EEA1: variants seen among roughly 807,000 people sequenced by gnomAD.
EEA1 encodes the protein early endosome antigen 1.
In EEA1, 111 loss-of-function variants were observed where a neutral mutation model predicts 209.2. The observed-to-expected ratio is 0.53, with a 90% CI of 0.45 to 0.62. The LOEUF is 0.62. Among genes scored for constraint, EEA1 ranks in the 20% least tolerant of loss-of-function variants. EEA1 has a pLI of 0.00. For missense variants in EEA1, 1,343 were observed against 1,530.8 expected, an observed-to-expected ratio of 0.88 and a Z score of 2.05; for synonymous variants, 536 against 540.6, an observed-to-expected ratio of 0.99 and a Z score of 0.12.
intron 1 of EEA1, among the ~76,000 whole-genome samples, chr12:92,917,333 T>G (rs12317543): frequency 0.58 from 65,925 of 112,736 alleles, 20,959 homozygotes; most frequent in African/African-American, 0.74. Context: ...AATGTTAAGG[T>G]CAGCCAGAGA....
chr12:92,802,780 A>G, intron 18 of EEA1, 46 bp from the exon 19 acceptor site: 1 of 1,380,494 alleles, frequency 7.2e-7, no homozygotes, highest in Non-Finnish European at 9.7e-7. Context: ...ATAATTTACC[A>G]CTTCTAATTT....
chr12:92,910,193 C>A (rs1020922716), intron 1 of EEA1, among the ~76,000 whole-genome samples: 5 of 149,376 alleles, frequency 3.3e-5, no homozygotes, highest in African/African-American at 1.2e-4. Context: ...AACTCAAGGT[C>A]AGGCGCGGTG....
intron 2 of EEA1, among the ~76,000 whole-genome samples, chr12:92,871,926 G>C (rs1199850594): frequency 6.6e-6 from 1 of 152,128 alleles, no homozygotes; most frequent in Non-Finnish European, 1.5e-5. Context: ...TGTTGCCCAA[G>C]CTGTAGTGCA....
rs942329628 is a variant in EEA1 at position 92,775,386 on chromosome 12, T to C, written c.*625A>G. ...CCACCCAAGAAAATTTAATTAATAT[T>C]GTTAAAACAAAAACCATTTTTGAAT... On this transcript the variant is annotated 3_prime_UTR_variant, in exon 29 of 29. Transcript: ENST00000322349. 6.6e-6 allele frequency: 1 copy of C among 151,808 alleles called. No individual in the cohort carries two copies. The highest frequency in any genetic ancestry group is 2.4e-5 in the African/African-American group (1 of 41,426). The allele number at this position is 151,808 out of a possible 1,614,324, so 9.4% of individuals were successfully genotyped here. A position where few individuals can be genotyped will look rare whatever the true frequency, so the allele number is the denominator to read the frequency against.
rs1873525733 is a variant in EEA1, at chr12:92,773,696, G to A, written c.*2315C>T. The A allele has an allele frequency of 6.6e-6, 1 of 151,532 alleles. No homozygotes were observed. 9.4% of individuals were successfully genotyped at this position (151,532 alleles called of 1,614,324 possible). A position where few individuals can be genotyped will look rare whatever the true frequency, so the allele number is the denominator to read the frequency against. On this transcript the variant is annotated 3_prime_UTR_variant, in exon 29 of 29. Coordinates refer to ENST00000322349, the MANE Select transcript of EEA1 (RefSeq NM_003566.4). ...AATAGTACCAGCAAACATGTAAAAT[G>A]TACAGCCAATAAGGACTTCAAAGAT...
intron 1 of EEA1, among the ~76,000 whole-genome samples, chr12:92,905,809 A>G (rs111844288): frequency 0.019 from 2,833 of 152,314 alleles, 96 homozygotes; most frequent in African/African-American, 0.063. Context: ...AAAAAGAAAT[A>G]TCACTGTCAC....
At chr12:92,802,381 G>T in intron 19 of EEA1, 23 bp downstream of exon 19, 1 of 1,531,614 alleles carries the variant, frequency 6.5e-7, no homozygotes, top group Non-Finnish European at 8.7e-7. Context: ...TTCTACCTAA[G>T]AAAGTAAATG....
At chr12:92,928,043 C>T (rs1020882599) in intron 1 of EEA1, among the ~76,000 whole-genome samples, 6 of 152,128 alleles carry the variant, frequency 3.9e-5, no homozygotes, top group African/African-American at 1.2e-4. Context: ...TTTCTTTTGT[C>T]CTTTGAACTA....
chr12:92,853,057 C>G (rs540242465), intron 6 of EEA1, 32 bp from the exon 7 acceptor site: 1 of 1,346,048 alleles, frequency 7.4e-7, no homozygotes, highest in Non-Finnish European at 1.0e-6. Context: ...ATTCAAATAC[C>G]ATGTTAATTA....
intron 21 of EEA1, among the ~76,000 whole-genome samples, chr12:92,797,050 T>C (rs1874683599): frequency 6.6e-6 from 1 of 152,200 alleles, no homozygotes; most frequent in African/African-American, 2.4e-5. Flanking sequence ...TGTAAATAGT[T>C]GTTTTACTGT....
intron 2 of EEA1, among the ~76,000 whole-genome samples, chr12:92,883,382 G>C (rs909472485): frequency 6.6e-6 from 1 of 152,132 alleles, no homozygotes; most frequent in African/African-American, 2.4e-5. Flanking sequence ...TAACTCTGTC[G>C]ATAGTTTCTT....
At chr12:92,911,528 A>C (rs1880583454) in intron 1 of EEA1, among the ~76,000 whole-genome samples, 1 of 152,244 alleles carries the variant, frequency 6.6e-6, no homozygotes, top group African/African-American at 2.4e-5. Context: ...TTTGTACAGA[A>C]GTGAAAGTAC....
chr12:92,816,740 A>T (rs572178675), intron 14 of EEA1, among the ~76,000 whole-genome samples: 1 of 152,332 alleles, frequency 6.6e-6, no homozygotes, highest in South Asian at 2.1e-4. Flanking sequence ...CCATTAGCCC[A>T]GAATGTTTCC....
At chr12:92,904,658 G>A (rs963196777) in intron 1 of EEA1, among the ~76,000 whole-genome samples, 1 of 152,068 alleles carries the variant, frequency 6.6e-6, no homozygotes, top group African/African-American at 2.4e-5. Flanking sequence ...CCCCTCCTCA[G>A]GTTTGATAAT....
intron 1 of EEA1, among the ~76,000 whole-genome samples, chr12:92,907,326 C>A (rs1014492741): frequency 6.6e-6 from 1 of 152,228 alleles, no homozygotes; most frequent in African/African-American, 2.4e-5. Flanking sequence ...CTTGAGAGCA[C>A]CACAAAGTCA....
At chr12:92,877,592 G>C (rs563262073) in intron 2 of EEA1, among the ~76,000 whole-genome samples, 1 of 151,934 alleles carries the variant, frequency 6.6e-6, no homozygotes, top group Non-Finnish European at 1.5e-5. Flanking sequence ...GCAGTGGTGC[G>C]ATCTTGGCTC....
At position 92,826,181 on chromosome 12, in the gene EEA1, T is replaced by C. The variant is rs1000570418; in HGVS notation, c.1509A>G (p.Lys503=). ...QQALQQSTTA[K]LREAQNDLEQ... is the part of the protein sequence containing the mutation. Reference sequence around the variant, plus strand: ...TAATGTTTACCTGAGCTTCTCGAAGTTTTGCCGTGGTGCTTTGCTGAAGAG... The same window carrying C: ...TAATGTTTACCTGAGCTTCTCGAAGCTTTGCCGTGGTGCTTTGCTGAAGAG... The change falls in exon 13 of 29, where the codon AAA becomes AAG. Residue 503 remains lysine, a synonymous_variant. Transcript: ENST00000322349. 2.5e-6 allele frequency: 4 copies of C among 1,613,316 alleles called. No homozygotes were observed. The highest frequency in any genetic ancestry group is 3.4e-6 in the Non-Finnish European group (4 of 1,179,542).
chr12:92,802,544 CT>C lies in EEA1; in HGVS notation c.2529del (p.Val844Ter). The C allele has an allele frequency of 6.2e-7, 1 of 1,600,088 alleles. No homozygotes were observed. Among genetic ancestry groups the C allele is most frequent in the South Asian group, 1.1e-5 (1 of 87,788 alleles). ...ATTAAAGCTTCTTTCTCCATTTTCA[CT>C]TTTTGTAGTTCTGTTACTGTTGTTT... The part of the protein sequence containing the change: ...RIQTTVTELQ[K>X]VKMEKEALMT... On this transcript the variant is annotated frameshift_variant, in exon 19 of 29. Transcript: ENST00000322349. LOFTEE classifies it high-confidence loss of function.
In EEA1 at chr12:92,801,666, T is replaced by G. The variant is rs201520114; in HGVS notation, c.2706A>C (p.Gln902His). The stretch of plus-strand genomic sequence containing the variant: ...CCTTAAGTGTGTTTTCCATCTGCAC[T>G]TGAAGTTGATGCTTTAATTCTTTGC... ...KTCKELKHQL[Q>H]VQMENTLKEQ... The change falls in exon 20 of 29, where the codon CAA becomes CAC. Residue 902 changes from glutamine to histidine, a missense_variant. By Grantham distance (24) the Gln-to-His change is conservative. Transcript: ENST00000322349. 9.4e-6 allele frequency: 15 copies of G among 1,597,754 alleles called. No individual in the cohort carries two copies. Among genetic ancestry groups the G allele is most frequent in the Non-Finnish European group, 1.3e-5 (15 of 1,174,050 alleles).
Sources: gnomAD v4.1 joint callset for allele counts (sites outside exome capture counted in the v4.1 genomes callset) on GRCh38, gnomAD v4.1.1 for gene constraint, MANE v1.5 for transcripts, NCBI Gene and HGNC (gene_info 2026-07-23, HGNC 2026-07-21) for gene names.